Variants in ARB2A observed in about 807,000 individuals in gnomAD.
ARB2A encodes the protein ARB2 cotranscriptional regulator A.
At chr5:93,767,583 G>C in the ARB2A span, among the ~76,000 whole-genome samples, 1 of 152,056 alleles carries the variant, frequency 6.6e-6, no homozygotes, top group African/African-American at 2.4e-5. Flanking sequence ...ACACGTTTAA[G>C]TAGCACAACT....
the ARB2A span, among the ~76,000 whole-genome samples, chr5:94,025,937 T>G: frequency 5.9e-5 from 9 of 152,106 alleles, no homozygotes; most frequent in African/African-American, 2.2e-4. Flanking sequence ...ACCTTGGCCA[T>G]GTGAGTGAGC....
the ARB2A span, among the ~76,000 whole-genome samples, chr5:93,681,692 C>G: frequency 6.6e-6 from 1 of 152,142 alleles, no homozygotes; most frequent in Non-Finnish European, 1.5e-5. Flanking sequence ...CTTGTGGCTA[C>G]ATTGCATAAG....
the ARB2A span, among the ~76,000 whole-genome samples, chr5:93,920,392 T>C: frequency 6.6e-6 from 1 of 152,174 alleles, no homozygotes; most frequent in Non-Finnish European, 1.5e-5. Flanking sequence ...AAGATAAACA[T>C]ACCATTGACC....
the ARB2A span, among the ~76,000 whole-genome samples, chr5:93,640,612 A>G: frequency 6.0e-5 from 9 of 151,040 alleles, no homozygotes; most frequent in African/African-American, 2.0e-4. Flanking sequence ...ATATGTATAT[A>G]TACTTATATA....
chr5:93,868,816 T>C, the ARB2A span, among the ~76,000 whole-genome samples: 2 of 152,182 alleles, frequency 1.3e-5, no homozygotes, highest in African/African-American at 2.4e-5. Context: ...TAAACTACTG[T>C]ATAGAAGGAA....
At chr5:93,928,982 G>A in the ARB2A span, among the ~76,000 whole-genome samples, 3 of 151,024 alleles carry the variant, frequency 2.0e-5, no homozygotes, top group African/African-American at 7.3e-5. Flanking sequence ...ACTGGTAACT[G>A]TTAAAGTCTA....
the ARB2A span, among the ~76,000 whole-genome samples, chr5:93,749,432 G>A: frequency 2.0e-5 from 3 of 152,182 alleles, no homozygotes; most frequent in Non-Finnish European, 2.9e-5. Context: ...GGGAATTGAT[G>A]TTATTCAACT....
chr5:93,945,911 G>T, the ARB2A span, among the ~76,000 whole-genome samples: 1 of 152,050 alleles, frequency 6.6e-6, no homozygotes, highest in Non-Finnish European at 1.5e-5. Flanking sequence ...ACATAGAGTG[G>T]AACAAAAGGA....
the ARB2A span, among the ~76,000 whole-genome samples, chr5:93,709,304 AT>A: frequency 2.0e-5 from 3 of 152,054 alleles, no homozygotes; most frequent in African/African-American, 7.2e-5. Context: ...TCTCAACTTA[AT>A]TTAAATCTTC....
At chr5:93,758,769 C>T in the ARB2A span, among the ~76,000 whole-genome samples, 3 of 151,982 alleles carry the variant, frequency 2.0e-5, no homozygotes, top group Non-Finnish European at 2.9e-5. Context: ...AAGTTTATAG[C>T]CCTAAACACC....
the ARB2A span, among the ~76,000 whole-genome samples, chr5:94,022,396 G>A: frequency 4.6e-5 from 7 of 152,116 alleles, no homozygotes; most frequent in African/African-American, 1.7e-4. Context: ...CTACCAGTCA[G>A]AAAGACTGCA....
At chr5:94,037,752 T>C in the ARB2A span, among the ~76,000 whole-genome samples, 3 of 152,250 alleles carry the variant, frequency 2.0e-5, no homozygotes, top group African/African-American at 7.2e-5. Flanking sequence ...AAAATCACAT[T>C]ATGTTCAAAT....
At chr5:93,694,243 A>C in the ARB2A span, among the ~76,000 whole-genome samples, 1 of 152,208 alleles carries the variant, frequency 6.6e-6, no homozygotes, top group Non-Finnish European at 1.5e-5. Flanking sequence ...AGAGGAAGTC[A>C]AATTGTCTCT....
At chr5:93,938,459 A>C in the ARB2A span, among the ~76,000 whole-genome samples, 10 of 152,208 alleles carry the variant, frequency 6.6e-5, no homozygotes, top group African/African-American at 2.4e-4. Flanking sequence ...TCTTTTTAAA[A>C]CCGACTCATA....
the ARB2A span, among the ~76,000 whole-genome samples, chr5:93,903,436 G>A: frequency 6.6e-6 from 1 of 152,010 alleles, no homozygotes; most frequent in Admixed American, 6.6e-5. Flanking sequence ...AAGAGCTAAA[G>A]TCATATACAT....
the ARB2A span, among the ~76,000 whole-genome samples, chr5:94,054,135 TA>T: frequency 6.6e-6 from 1 of 152,204 alleles, no homozygotes; most frequent in South Asian, 2.1e-4. Flanking sequence ...TTATACCCTT[TA>T]CTCACTTTCC....
At chr5:93,980,017 G>A in the ARB2A span, among the ~76,000 whole-genome samples, 1 of 151,860 alleles carries the variant, frequency 6.6e-6, no homozygotes, top group African/African-American at 2.4e-5. Flanking sequence ...TTTCTACCTT[G>A]GTTTTGTATT....
the ARB2A span, chr5:93,683,110 A>G: frequency 6.4e-7 from 1 of 1,550,596 alleles, no homozygotes; most frequent in East Asian, 2.3e-5. Flanking sequence ...ACTTTTGTGC[A>G]TTTTTGGCTG....
At chr5:94,103,423 G>A in the ARB2A span, among the ~76,000 whole-genome samples, 1 of 151,710 alleles carries the variant, frequency 6.6e-6, no homozygotes, top group African/African-American at 2.4e-5. Context: ...GACTAAGAAG[G>A]GCATTAAATA....
Sources: allele counts gnomAD v4.1 joint callset (sites outside exome capture counted in the v4.1 genomes callset), GRCh38; gene constraint gnomAD v4.1.1; transcripts MANE v1.5; gene names NCBI Gene and HGNC (gene_info 2026-07-23, HGNC 2026-07-21).